The following ASAP1 variants were observed in gnomAD, a reference collection of about 807,000 sequenced individuals.
ASAP1 encodes the protein ArfGAP with SH3 domain, ankyrin repeat and PH domain 1.
In ASAP1, 43 loss-of-function variants were observed where a neutral mutation model predicts 145.2. The ratio of observed to expected loss-of-function variants is 0.30; its 90% CI spans 0.23 to 0.38. ASAP1 has a LOEUF of 0.38. ASAP1 is among the 10% of genes least tolerant of loss of function. The pLI is 1.00. For synonymous variants in ASAP1, 546 were observed against 515.5 expected (o/e 1.06, Z -0.80); for missense variants, 1,018 against 1,355.3 (o/e 0.75, Z 3.91).
intron 18 of ASAP1, among the ~76,000 whole-genome samples, chr8:130,121,038 T>TTG (rs2097565006): frequency 6.6e-6 from 1 of 152,240 alleles, no homozygotes; most frequent in Non-Finnish European, 1.5e-5. Flanking sequence ...AAACCTTGGG[T>TTG]GTCATCTTGA....
intron 27 of ASAP1, among the ~76,000 whole-genome samples, chr8:130,062,950 G>GT (rs2135087013): frequency 6.6e-6 from 1 of 152,240 alleles, no homozygotes; most frequent in East Asian, 1.9e-4. Context: ...TCCAGCCTGG[G>GT]TGACAGAGTG....
chr8:130,311,772 A>AAAT (rs1489863146), intron 3 of ASAP1, among the ~76,000 whole-genome samples: 1 of 151,158 alleles, frequency 6.6e-6, no homozygotes, highest in Non-Finnish European at 1.5e-5. Context: ...AAAAAAAAAA[A>AAAT]AAAGGCAAAA....
chr8:130,197,154 G>C (rs1815551816), intron 5 of ASAP1, among the ~76,000 whole-genome samples: 1 of 152,264 alleles, frequency 6.6e-6, no homozygotes, highest in Non-Finnish European at 1.5e-5. Flanking sequence ...AACGGGCCAG[G>C]TGCAGTGGCA....
At chr8:130,190,750 T>C (rs1815080590) in intron 5 of ASAP1, among the ~76,000 whole-genome samples, 1 of 152,174 alleles carries the variant, frequency 6.6e-6, no homozygotes, top group Non-Finnish European at 1.5e-5. Flanking sequence ...ACTCCTGACC[T>C]TGTGATCCAC....
At chr8:130,240,638 T>C (rs747813999) in intron 3 of ASAP1, among the ~76,000 whole-genome samples, 5 of 152,104 alleles carry the variant, frequency 3.3e-5, no homozygotes, top group Admixed American at 2.0e-4. Context: ...GTATCCGCAG[T>C]TGGACAACTC....
Position 130,092,162 on chromosome 8 carries a change from G to C in ASAP1, c.2402-19C>G. 4.5e-6 allele frequency: 7 copies of C among 1,563,496 alleles called. No individual in the cohort carries two copies. Among genetic ancestry groups the C allele is most frequent in the Non-Finnish European group, 6.0e-6 (7 of 1,161,910 alleles). ...GTTGGACCTAGAAAGGAAATTGAAT[G>C]GGGGCAGGAAGATTAATCCCAGTCT... On this transcript the variant is annotated intron_variant, in intron 24 of 29. Coordinates refer to ENST00000518721, the MANE Select transcript of ASAP1 (RefSeq NM_018482.4).
At chr8:130,115,544 A>G in intron 23 of ASAP1, 84 bp downstream of exon 23, 1 of 1,059,684 alleles carries the variant, frequency 9.4e-7, no homozygotes, top group South Asian at 1.4e-5. Context: ...CAATCAATCA[A>G]TCTCACCAAA....
At chr8:130,278,600 A>G (rs555156637) in intron 3 of ASAP1, among the ~76,000 whole-genome samples, 1 of 152,370 alleles carries the variant, frequency 6.6e-6, no homozygotes, top group Non-Finnish European at 1.5e-5. Context: ...TGCATCATCA[A>G]GTTTTGCAGC....
intron 25 of ASAP1, among the ~76,000 whole-genome samples, chr8:130,085,660 G>A (rs1035494088): frequency 2.0e-5 from 3 of 150,544 alleles, no homozygotes; most frequent in East Asian, 2.0e-4. Context: ...ACTTGGGCCC[G>A]GGAGGTTGAG....
chr8:130,124,774 C>A (rs968815363), intron 17 of ASAP1, among the ~76,000 whole-genome samples: 5 of 152,092 alleles, frequency 3.3e-5, no homozygotes, highest in Admixed American at 3.3e-4. Context: ...TATTGCATGG[C>A]AAACGTTTAG....
chr8:130,147,627 T>C (rs1363024375), intron 13 of ASAP1, among the ~76,000 whole-genome samples: 1 of 152,268 alleles, frequency 6.6e-6, no homozygotes, highest in Non-Finnish European at 1.5e-5. Flanking sequence ...CAGGTACTGT[T>C]ATTCTGTTTC....
At chr8:130,172,787 G>A (rs1331648961) in intron 9 of ASAP1, among the ~76,000 whole-genome samples, 2 of 152,170 alleles carry the variant, frequency 1.3e-5, no homozygotes, top group Non-Finnish European at 2.9e-5. Context: ...GAGAAAGACG[G>A]AACTGTTTTA....
intron 2 of ASAP1, among the ~76,000 whole-genome samples, chr8:130,364,827 G>C (rs1423630687): frequency 3.9e-5 from 6 of 152,158 alleles, no homozygotes; most frequent in Admixed American, 3.3e-4. Context: ...AGAAGGGCTT[G>C]GCTCTGACTC....
At chr8:130,277,740 G>A (rs899704786) in intron 3 of ASAP1, among the ~76,000 whole-genome samples, 2 of 152,202 alleles carry the variant, frequency 1.3e-5, no homozygotes, top group Admixed American at 6.5e-5. Context: ...AATGATTTCT[G>A]TAAGATTTCT....
intron 2 of ASAP1, among the ~76,000 whole-genome samples, chr8:130,363,611 T>C (rs1459117473): frequency 2.0e-5 from 3 of 152,204 alleles, no homozygotes; most frequent in Admixed American, 6.5e-5. Context: ...TTGGTGGTTA[T>C]ATATGTAATG....
chr8:130,195,514 T>TGTGA (rs1442201789), intron 5 of ASAP1: 15 of 151,746 alleles, frequency 9.9e-5, no homozygotes, highest in Non-Finnish European at 1.8e-4. Flanking sequence ...AGTGATAGAG[T>TGTGA]GTGACCCTGT....
rs924283358 is a variant in ASAP1 at position 130,225,755 on chromosome 8, A to C, written c.260-11054T>G. Among the ~76,000 whole-genome samples the C allele has an allele frequency of 2.6e-5, 4 of 152,198 alleles. No individual in the cohort carries two copies. In the South Asian group the frequency reaches 6.2e-4, roughly 24 times the overall value. ...AGAGGTAGCAGCATACCATACAGGC[A>C]CCATAAAGTACTCAGCAATAAGGAA... On this transcript the variant is annotated intron_variant, in intron 4 of 29. Transcript: ENST00000518721.
At chr8:130,203,434 T>C (rs1815998171) in intron 5 of ASAP1, among the ~76,000 whole-genome samples, 1 of 152,028 alleles carries the variant, frequency 6.6e-6, no homozygotes, top group Non-Finnish European at 1.5e-5. Context: ...ACATCAGCCC[T>C]GAAAAAAGCA....
intron 11 of ASAP1, 145 bp from the exon 12 acceptor site, chr8:130,160,109 TAGAGGAGGA>T: frequency 3.0e-6 from 2 of 670,830 alleles, no homozygotes; most frequent in African/African-American, 1.8e-5. Flanking sequence ...TCCTTTATTT[TAGAGGAGGA>T]AACAGGGCAG....
Sources: allele counts gnomAD v4.1 joint callset (sites outside exome capture counted in the v4.1 genomes callset), GRCh38; gene constraint gnomAD v4.1.1; transcripts MANE v1.5; gene names NCBI Gene and HGNC (gene_info 2026-07-23, HGNC 2026-07-21).